The following POMGNT1 variants were observed in gnomAD, a reference collection of about 807,000 sequenced individuals.
POMGNT1 encodes the protein protein O-linked mannose N-acetylglucosaminyltransferase 1 (beta 1,2-).
Under a neutral mutation model 95.6 loss-of-function variants are expected in POMGNT1, and 67 were observed. The ratio of observed to expected loss-of-function variants is 0.70; its 90% confidence interval spans 0.58 to 0.86. POMGNT1 has a LOEUF of 0.86. POMGNT1 is among the 40% of genes least tolerant of loss of function. The probability of loss-of-function intolerance (pLI) is 0.00; values close to 1 mark genes in which losing one functional copy is unlikely to be tolerated. For synonymous variants in POMGNT1, 298 were observed against 317.9 expected (o/e 0.94, Z 0.66); for missense variants, 719 against 855.2 (o/e 0.84, Z 1.99).
intron 1 of POMGNT1, among the ~76,000 whole-genome samples, chr1:46,213,957 G>A (rs1485675240): frequency 6.6e-6 from 1 of 152,012 alleles, no homozygotes; most frequent in African/African-American, 2.4e-5. Context: ...ATACATACAC[G>A]GTTTCTAGTC....
intron 1 of POMGNT1, among the ~76,000 whole-genome samples, chr1:46,216,990 G>GTT (rs1659090305): frequency 6.6e-6 from 1 of 152,162 alleles, no homozygotes; most frequent in African/African-American, 2.4e-5. Context: ...TTATGGATGT[G>GTT]TAATAACATT....
At chr1:46,214,752 G>A (rs1396280232) in intron 1 of POMGNT1, among the ~76,000 whole-genome samples, 2 of 150,344 alleles carry the variant, frequency 1.3e-5, no homozygotes, top group Admixed American at 6.8e-5. Flanking sequence ...TGTAATTCCA[G>A]TTACTTGGGA....
In POMGNT1 at chr1:46,209,760, C is replaced by T. The variant is rs1470171932; in HGVS notation, c.-51+9945G>A. 2.0e-5 allele frequency among the ~76,000 whole-genome samples: 3 copies of T among 151,996 alleles called. No homozygotes were observed. The South Asian group carries it at 6.2e-4, about 32-fold the overall frequency. ...TCCTGACCTCGGGTAATCCACTTGC[C>T]TCAGCCTCCCAAAGTGCTGGGATTA... On this transcript the variant is annotated intron_variant, in intron 1 of 22. Coordinates refer to the POMGNT1 transcript ENST00000371992.
chr1:46,197,788 G>A lies in POMGNT1; in HGVS notation c.34C>T (p.Pro12Ser). Residue 12 changes from proline (P) to serine (S), a missense_variant, in exon 2 of 22, where the codon CCC becomes TCC. By Grantham distance (74) the Pro-to-Ser change is moderately conservative (BLOSUM62 -1). Coordinates refer to ENST00000371984, the MANE Select transcript of POMGNT1 (RefSeq NM_017739.4). ...DDWKPSPLIK[P>S]FGARKKRSWY... ...CTCCGCTTCTTCCGAGCCCCAAAGG[G>A]CTTGATGAGGGGGCTGGGCTTCCAG... 1 of 1,614,178 alleles carries A rather than the reference G, an allele frequency of 6.2e-7. No individual in the cohort carries two copies. Among genetic ancestry groups the A allele is most frequent in the Non-Finnish European group, 8.5e-7 (1 of 1,180,016 alleles).
intron 1 of POMGNT1, chr1:46,203,623 T>C: frequency 6.2e-7 from 1 of 1,601,082 alleles, no homozygotes; most frequent in Non-Finnish European, 8.5e-7. Flanking sequence ...AAGATGGAGC[T>C]GGTGAGTGCT....
chr1:46,208,993 C>T (rs984614286), intron 1 of POMGNT1, among the ~76,000 whole-genome samples: 6 of 152,126 alleles, frequency 3.9e-5, no homozygotes, highest in Non-Finnish European at 7.3e-5. Flanking sequence ...TGCTCAGTCC[C>T]GAGCCAGCAG....
rs1658269711 is a variant in POMGNT1 at position 46,196,755 on chromosome 1, T to C, written c.330A>G (p.Val110=). The C allele has an allele frequency of 2.3e-5, 37 of 1,614,172 alleles. No homozygotes were observed. Among genetic ancestry groups the C allele is most frequent in the Non-Finnish European group, 3.1e-5 (36 of 1,180,036 alleles). Residue 110 remains valine, a synonymous_variant, in exon 4 of 22, where the codon GTA becomes GTG. Transcript: ENST00000371984. This position sits in a 1 kb window ranked among gnomAD's most constrained non-coding sequence, Gnocchi z 4.4. The part of the protein sequence containing the change: ...DVEVYSSRSK[V]YVAVDGTTVL... ...CCGTGGTGCCATCCACTGCCACATATACTTTGCTGCGACTTGAATACACCT... is the reference window on the plus strand; with the variant it reads ...CCGTGGTGCCATCCACTGCCACATACACTTTGCTGCGACTTGAATACACCT...
At chr1:46,198,181 C>A in intron 1 of POMGNT1, 155 bp downstream of exon 1, 1 of 284,244 alleles carries the variant, frequency 3.5e-6, no homozygotes. Flanking sequence ...CTGTGGTGAG[C>A]AAAGAGCGAC....
At chr1:46,190,451 C>A in intron 19 of POMGNT1, 22 bp downstream of exon 19, 1 of 1,568,690 alleles carries the variant, frequency 6.4e-7, no homozygotes, top group Non-Finnish European at 8.8e-7. Context: ...CCCTGCTACA[C>A]CCCAATTGTC....
chr1:46,193,525 G>A, intron 11 of POMGNT1, 39 bp downstream of exon 11: 1 of 1,614,062 alleles, frequency 6.2e-7, no homozygotes, highest in Non-Finnish European at 8.5e-7. Context: ...GCTGCTCCAT[G>A]TTGTACTCCA....
At chr1:46,201,851 G>A (rs1264367721), upstream of POMGNT1, among the ~76,000 whole-genome samples, 1 of 151,482 alleles carries the variant, frequency 6.6e-6, no homozygotes, top group Non-Finnish European at 1.5e-5. Context: ...TTGAGAAGTA[G>A]TGTGGCTGGG....
chr1:46,188,763 G>A lies in POMGNT1; in HGVS notation c.*507C>T. ...TGGACAAAGAGAAGGCTGAGAGGAG[G>A]CCTGGTCCAGTGTCTAAGGGTCTCT... On this transcript the variant is annotated 3_prime_UTR_variant, in exon 22 of 22. Coordinates refer to ENST00000371984, the MANE Select transcript of POMGNT1 (RefSeq NM_017739.4). 6.2e-7 allele frequency: 1 copy of A among 1,612,772 alleles called. No individual in the cohort carries two copies. The highest frequency in any genetic ancestry group is 8.5e-7 in the Non-Finnish European group (1 of 1,179,820).
rs1553164303 is a variant in POMGNT1 at position 46,197,806 on chromosome 1, G to A, written c.16C>T (p.Pro6Ser). MDDWK[P>S]SPLIKPFGAR... Reference sequence around the variant, plus strand: ...CCAAAGGGCTTGATGAGGGGGCTGGGCTTCCAGTCGTCCATACCGGATTGG... The same window carrying A: ...CCAAAGGGCTTGATGAGGGGGCTGGACTTCCAGTCGTCCATACCGGATTGG... Residue 6 changes from proline (P) to serine (S), a missense_variant, in exon 2 of 22, where the codon CCC becomes TCC. Around this residue, in one of 5 missense-constraint regions of POMGNT1, gnomAD observed 466 missense variants for 517.4 expected, o/e 0.90. Transcript: ENST00000371984. The A allele has an allele frequency of 2.5e-6, 4 of 1,614,094 alleles. No individual in the cohort carries two copies. The highest frequency in any genetic ancestry group is 2.5e-6 in the Non-Finnish European group (3 of 1,180,028).
chr1:46,214,826 C>T (rs936960425), intron 1 of POMGNT1, among the ~76,000 whole-genome samples: 1 of 128,752 alleles, frequency 7.8e-6, no homozygotes, highest in Non-Finnish European at 1.5e-5. Flanking sequence ...AGATGTGCGC[C>T]ATTGCACTCC....
rs545535868 is a variant in POMGNT1, at chr1:46,207,588, G to T, written c.-50-9717C>A. Reference sequence around the variant, plus strand: ...GAGTCTCGCTCTGTCGCCCAGGCTGGAGTGCAGTGGTGCGATCTCGGCTCA... The same window carrying T: ...GAGTCTCGCTCTGTCGCCCAGGCTGTAGTGCAGTGGTGCGATCTCGGCTCA... On this transcript the variant is annotated intron_variant, in intron 1 of 22. Coordinates refer to the POMGNT1 transcript ENST00000371992. Among the ~76,000 whole-genome samples, 5 of 151,510 alleles carry T rather than the reference G, an allele frequency of 3.3e-5. No homozygotes were observed. In the South Asian group the frequency reaches 1.0e-3, roughly 32 times the overall value.
At chr1:46,203,305 C>T (rs1658603941), upstream of POMGNT1, 8 of 693,624 alleles carry the variant, frequency 1.2e-5, no homozygotes, top group East Asian at 2.7e-4. Flanking sequence ...CCTCCTCCCG[C>T]CCCCGCGCCG....
At chr1:46,218,779 G>A (rs1659143487) in intron 1 of POMGNT1, among the ~76,000 whole-genome samples, 1 of 151,852 alleles carries the variant, frequency 6.6e-6, no homozygotes, top group South Asian at 2.1e-4. Context: ...AGGCAAGAAG[G>A]CCTGAATGCC....
At chr1:46,203,217 C>T (rs1404465072), upstream of POMGNT1, 9 of 386,640 alleles carry the variant, frequency 2.3e-5, no homozygotes, top group African/African-American at 1.9e-4. Flanking sequence ...CCACGCAATC[C>T]AGGGCCAGAG....
intron 1 of POMGNT1, among the ~76,000 whole-genome samples, chr1:46,207,418 T>C (rs1394231598): frequency 1.3e-5 from 2 of 151,780 alleles, no homozygotes; most frequent in Non-Finnish European, 2.9e-5. Context: ...TCAGCTCATG[T>C]CCCTTATCCT....
Sources: allele counts gnomAD v4.1 joint callset (sites outside exome capture counted in the v4.1 genomes callset), GRCh38; gene constraint gnomAD v4.1.1; regional missense constraint gnomAD v4.1.1; non-coding constraint Gnocchi (gnomAD v3.1); transcripts MANE v1.5; gene names NCBI Gene and HGNC (gene_info 2026-07-23, HGNC 2026-07-21).